The following ABTB3 variants were observed in gnomAD, a reference collection of about 807,000 sequenced individuals.
The protein encoded by ABTB3 is ankyrin repeat and BTB domain containing 3.
the ABTB3 span, among the ~76,000 whole-genome samples, chr12:107,606,111 C>G: frequency 2.6e-5 from 4 of 152,106 alleles, no homozygotes; most frequent in Non-Finnish European, 5.9e-5. Flanking sequence ...AGGGCCAGGT[C>G]CCACTGAAGA....
chr12:107,502,920 G>A, the ABTB3 span, among the ~76,000 whole-genome samples: 2 of 152,114 alleles, frequency 1.3e-5, no homozygotes, highest in Non-Finnish European at 2.9e-5. Flanking sequence ...AAAAAGGCTG[G>A]GGACCGCTAT....
chr12:107,613,915 GAC>G, the ABTB3 span, among the ~76,000 whole-genome samples: 1 of 152,110 alleles, frequency 6.6e-6, no homozygotes, highest in African/African-American at 2.4e-5. Context: ...GCAGACAATA[GAC>G]ACAGTTTTGG....
At chr12:107,387,054 T>A in the ABTB3 span, among the ~76,000 whole-genome samples, 1 of 151,616 alleles carries the variant, frequency 6.6e-6, no homozygotes, top group Non-Finnish European at 1.5e-5. Context: ...CTTGGCTCAC[T>A]GCAACCTCCA....
chr12:107,525,836 C>T, the ABTB3 span, among the ~76,000 whole-genome samples: 2 of 152,200 alleles, frequency 1.3e-5, no homozygotes, highest in African/African-American at 4.8e-5. Context: ...ATTTCTGGAG[C>T]ACCTACTGTG....
the ABTB3 span, among the ~76,000 whole-genome samples, chr12:107,627,390 C>T: frequency 1.3e-5 from 2 of 152,202 alleles, no homozygotes; most frequent in Non-Finnish European, 2.9e-5. Flanking sequence ...CCATTCCAGG[C>T]ACTTTCTACT....
At chr12:107,453,276 G>A in the ABTB3 span, among the ~76,000 whole-genome samples, 1 of 152,134 alleles carries the variant, frequency 6.6e-6, no homozygotes, top group African/African-American at 2.4e-5. Context: ...GATGATGGGA[G>A]GTTGCTATAG....
At chr12:107,488,131 G>A in the ABTB3 span, among the ~76,000 whole-genome samples, 3 of 152,074 alleles carry the variant, frequency 2.0e-5, no homozygotes, top group Non-Finnish European at 4.4e-5. Flanking sequence ...AGCAGATTCA[G>A]TGGGTACCGA....
chr12:107,593,028 A>G, the ABTB3 span, among the ~76,000 whole-genome samples: 1 of 152,240 alleles, frequency 6.6e-6, no homozygotes, highest in African/African-American at 2.4e-5. Flanking sequence ...GATTCAATAA[A>G]TCTGAGGAAC....
the ABTB3 span, among the ~76,000 whole-genome samples, chr12:107,451,150 G>A: frequency 2.6e-5 from 4 of 152,066 alleles, no homozygotes; most frequent in Non-Finnish European, 5.9e-5. Context: ...TGAAAGAAGT[G>A]ACATTAAAGA....
chr12:107,360,054 T>C, the ABTB3 span, among the ~76,000 whole-genome samples: 1 of 152,218 alleles, frequency 6.6e-6, no homozygotes, highest in East Asian at 1.9e-4. Context: ...TGCTGAGTTA[T>C]AAAATCCAGT....
At chr12:107,467,091 C>T in the ABTB3 span, among the ~76,000 whole-genome samples, 2 of 152,110 alleles carry the variant, frequency 1.3e-5, no homozygotes, top group African/African-American at 2.4e-5. Flanking sequence ...CAGAACTGTC[C>T]AGCCAACACG....
At chr12:107,588,219 C>CTAT in the ABTB3 span, among the ~76,000 whole-genome samples, 1 of 152,184 alleles carries the variant, frequency 6.6e-6, no homozygotes, top group African/African-American at 2.4e-5. Flanking sequence ...TGCAAAGACC[C>CTAT]TATTTCCAAA....
At chr12:107,321,876 C>T in the ABTB3 span, among the ~76,000 whole-genome samples, 2 of 152,142 alleles carry the variant, frequency 1.3e-5, no homozygotes, top group Non-Finnish European at 2.9e-5. Flanking sequence ...CCTTCTGGGC[C>T]TGGAACCTCT....
At chr12:107,323,848 A>G in the ABTB3 span, among the ~76,000 whole-genome samples, 1 of 152,082 alleles carries the variant, frequency 6.6e-6, no homozygotes, top group South Asian at 2.1e-4. Flanking sequence ...TGTATAACAG[A>G]TACTCTCTAC....
chr12:107,507,194 A>T, the ABTB3 span, among the ~76,000 whole-genome samples: 1 of 152,126 alleles, frequency 6.6e-6, no homozygotes, highest in Admixed American at 6.5e-5. Flanking sequence ...GATACAGCCA[A>T]GAGTCCTGGT....
chr12:107,381,911 T>G, the ABTB3 span, among the ~76,000 whole-genome samples: 1 of 152,216 alleles, frequency 6.6e-6, no homozygotes, highest in Non-Finnish European at 1.5e-5. Context: ...ATCGCAGAGA[T>G]AGCTCTTGGC....
chr12:107,616,687 T>G, the ABTB3 span, among the ~76,000 whole-genome samples: 2 of 152,228 alleles, frequency 1.3e-5, no homozygotes, highest in African/African-American at 4.8e-5. Flanking sequence ...TGAGGCTTTG[T>G]GTAACCAGCC....
the ABTB3 span, among the ~76,000 whole-genome samples, chr12:107,350,808 G>A: frequency 3.9e-5 from 6 of 152,314 alleles, no homozygotes; most frequent in South Asian, 2.1e-4. Context: ...TGGTCTAACA[G>A]CATTACTGAA....
the ABTB3 span, among the ~76,000 whole-genome samples, chr12:107,546,658 G>A: frequency 2.6e-5 from 4 of 152,166 alleles, no homozygotes; most frequent in African/African-American, 9.7e-5. Context: ...GAGGTCAGGA[G>A]TTTGAGACCA....
Sources: gnomAD v4.1 joint callset for allele counts (sites outside exome capture counted in the v4.1 genomes callset) on GRCh38, gnomAD v4.1.1 for gene constraint, MANE v1.5 for transcripts, NCBI Gene and HGNC (gene_info 2026-07-23, HGNC 2026-07-21) for gene names.